The following KCNQ1OT1 variants were observed in gnomAD, a reference collection of about 807,000 sequenced individuals.
KCNQ1OT1 encodes KCNQ1 antisense RNA 2 (non-protein coding).
At position 2,691,685 on chromosome 11, in the gene KCNQ1OT1, G is replaced by T; in HGVS notation, n.8310C>A. 2.5e-6 allele frequency: 1 copy of T among 398,574 alleles called. No individual in the cohort carries two copies. The highest frequency in any genetic ancestry group is 4.4e-6 in the Non-Finnish European group (1 of 226,070). The allele number at this position is 398,574 out of a possible 1,614,324, so 24.7% of individuals were successfully genotyped here. ...TGAAACAGAGAACCAGGTGGGGAAG[G>T]GGTCTCTCCCCATCTGTCCAGGGGA... is the stretch of plus-strand genomic sequence containing the variant. On this transcript the variant is annotated non_coding_transcript_exon_variant, in exon 1 of 1. Transcript: ENST00000597346. This position sits in a 1 kb window ranked among gnomAD's most constrained non-coding sequence, Gnocchi z 6.4.
chr11:2,633,443 G>C (rs10832430), exon 1 of KCNQ1OT1: 2 of 398,160 alleles, frequency 5.0e-6, no homozygotes, highest in East Asian at 7.1e-5. Flanking sequence ...TAAAATCTTC[G>C]CTAGACCCAT....
In KCNQ1OT1 at chr11:2,678,594, GC is replaced by G. The variant is rs1850334517; in HGVS notation, n.21400del. ...ACTTTATGATGCACTTATCTGTGTA[GC>G]AGGACTCCCCCTCATCTCCATTACT... is the stretch of plus-strand genomic sequence containing the variant. On this transcript the variant is annotated non_coding_transcript_exon_variant, in exon 1 of 1. Coordinates refer to ENST00000597346, the Ensembl canonical transcript of KCNQ1OT1. This position sits in a 1 kb window ranked among gnomAD's most constrained non-coding sequence, Gnocchi z 4.9. 5.0e-6 allele frequency: 2 copies of G among 398,494 alleles called. No individual in the cohort carries two copies. The highest frequency in any genetic ancestry group is 4.4e-5 in the Admixed American group (1 of 22,714). 24.7% of individuals were successfully genotyped at this position (398,494 alleles called of 1,614,324 possible).
exon 1 of KCNQ1OT1, chr11:2,609,666 G>A: frequency 2.5e-6 from 1 of 398,330 alleles, no homozygotes; most frequent in East Asian, 3.6e-5. Context: ...TCTCTGTTCA[G>A]TTCTGTCAGT....
chr11:2,699,766 G>A, exon 1 of KCNQ1OT1: 1 of 369,618 alleles, frequency 2.7e-6, no homozygotes, highest in Non-Finnish European at 4.7e-6. Context: ...GCGCCGCGCT[G>A]AGGAGCCCCG....
chr11:2,691,709 G>T lies in KCNQ1OT1; in HGVS notation n.8286C>A, dbSNP rs1214100668. 1 of 398,584 alleles carries T rather than the reference G, an allele frequency of 2.5e-6. No individual in the cohort carries two copies. Among genetic ancestry groups the T allele is most frequent in the Admixed American group, 4.4e-5 (1 of 22,738 alleles). The allele number at this position is 398,584 out of a possible 1,614,324, so 24.7% of individuals were successfully genotyped here. A position where few individuals can be genotyped will look rare whatever the true frequency, so the allele number is the denominator to read the frequency against. ...GGGGTCTCTCCCCATCTGTCCAGGG[G>T]AGAGGCAGCCCACAGGGAGCCACAC... is the stretch of plus-strand genomic sequence containing the variant. On this transcript the variant is annotated non_coding_transcript_exon_variant, in exon 1 of 1. Transcript: ENST00000597346. The surrounding 1 kb of genome is among the most constrained non-coding windows in gnomAD (Gnocchi z 6.4).
At chr11:2,699,369 A>G (rs1008597646) in exon 1 of KCNQ1OT1, 2 of 399,532 alleles carry the variant, frequency 5.0e-6, no homozygotes, top group Non-Finnish European at 8.8e-6. Flanking sequence ...CCGTCCGCCC[A>G]GGTCCGTGCT....
At chr11:2,672,350 G>C (rs1207918712) in exon 1 of KCNQ1OT1, 1 of 398,582 alleles carries the variant, frequency 2.5e-6, no homozygotes, top group Non-Finnish European at 4.4e-6. Context: ...GAAGCAGTGT[G>C]GTGGGGCAGC....
Position 2,677,234 on chromosome 11 carries a change from A to C in KCNQ1OT1, n.22761T>G, listed in dbSNP as rs2133875890. On this transcript the variant is annotated non_coding_transcript_exon_variant, in exon 1 of 1. Transcript: ENST00000597346. The surrounding 1 kb of genome is among the most constrained non-coding windows in gnomAD (Gnocchi z 4.5). ...CTCTTGTCAACCAAAGACAATATAA[A>C]GCACACACAAAGTAAAGAGGAACTT... 2 of 398,632 alleles carry C rather than the reference A, an allele frequency of 5.0e-6. No individual in the cohort carries two copies. The highest frequency in any genetic ancestry group is 7.1e-5 in the East Asian group (2 of 28,076). The allele number at this position is 398,632 out of a possible 1,614,324, so 24.7% of individuals were successfully genotyped here. A position where few individuals can be genotyped will look rare whatever the true frequency, so the allele number is the denominator to read the frequency against.
chr11:2,646,771 C>T (rs1053188360), exon 1 of KCNQ1OT1: 4 of 398,508 alleles, frequency 1.0e-5, no homozygotes, highest in Middle Eastern at 6.2e-4. Context: ...CCGCCTCATC[C>T]TTTCAAAGTG....
At chr11:2,699,407 T>A (rs1850734468) in exon 1 of KCNQ1OT1, 1 of 402,802 alleles carries the variant, frequency 2.5e-6, no homozygotes, top group Non-Finnish European at 4.4e-6. Flanking sequence ...CCCAGAGAGA[T>A]GGGGAGGGCC....
exon 1 of KCNQ1OT1, chr11:2,667,208 C>T (rs934311335): frequency 6.4e-4 from 256 of 398,688 alleles, no homozygotes; most frequent in Non-Finnish European, 1.3e-5. Flanking sequence ...CCCCCGTGGC[C>T]CCCTAACCTT....
In KCNQ1OT1 at chr11:2,623,896, G is replaced by C; in HGVS notation, n.76099C>G. The C allele has an allele frequency of 2.5e-6, 1 of 398,554 alleles. No homozygotes were observed. Among genetic ancestry groups the C allele is most frequent in the East Asian group, 3.6e-5 (1 of 28,070 alleles). The allele number at this position is 398,554 out of a possible 1,614,324, so 24.7% of individuals were successfully genotyped here. On this transcript the variant is annotated non_coding_transcript_exon_variant, in exon 1 of 1. Transcript: ENST00000597346. This position sits in a 1 kb window ranked among gnomAD's most constrained non-coding sequence, Gnocchi z 5.2. ...GGGATATGTATACACATTCAGAAGT[G>C]GAATTGATGGATCCTATGATAATTC...
rs541951162 is a variant in KCNQ1OT1, at chr11:2,690,106, G to A, written n.9889C>T. ...CACAGCAGGGACAATCGCTCTTCCG[G>A]GGTTAGAACTGGGGGAGCAGGGACA... On this transcript the variant is annotated non_coding_transcript_exon_variant, in exon 1 of 1. Transcript: ENST00000597346. This position sits in a 1 kb window ranked among gnomAD's most constrained non-coding sequence, Gnocchi z 5.1. The A allele has an allele frequency of 2.5e-6, 1 of 398,966 alleles. No individual in the cohort carries two copies. Among genetic ancestry groups the A allele is most frequent in the South Asian group, 1.3e-4 (1 of 7,866 alleles). The allele number at this position is 398,966 out of a possible 1,614,324, so 24.7% of individuals were successfully genotyped here.
rs1369544529 is a variant in KCNQ1OT1 at position 2,659,083 on chromosome 11, T to A, written n.40912A>T. On this transcript the variant is annotated non_coding_transcript_exon_variant, in exon 1 of 1. Coordinates refer to ENST00000597346, the Ensembl canonical transcript of KCNQ1OT1. The surrounding 1 kb of genome is among the most constrained non-coding windows in gnomAD (Gnocchi z 4.3). ...CACGCTCATCATAGTCTGCTTTTCA[T>A]CGTAGGGTCCTCCAACATCCGGGTT... The A allele has an allele frequency of 2.5e-6, 1 of 398,520 alleles. No homozygotes were observed. Among genetic ancestry groups the A allele is most frequent in the Non-Finnish European group, 4.4e-6 (1 of 226,052 alleles). The allele number at this position is 398,520 out of a possible 1,614,324, so 24.7% of individuals were successfully genotyped here.
At position 2,690,052 on chromosome 11, in the gene KCNQ1OT1, T is replaced by C; in HGVS notation, n.9943A>G. On this transcript the variant is annotated non_coding_transcript_exon_variant, in exon 1 of 1. Coordinates refer to ENST00000597346, the Ensembl canonical transcript of KCNQ1OT1. The surrounding 1 kb of genome is among the most constrained non-coding windows in gnomAD (Gnocchi z 5.1). ...GGCCAGCCCTGCCTCTCCTCCCCTC[T>C]CCTAGCCTGCTTCTGTCTGGGCTGA... 1 of 398,906 alleles carries C rather than the reference T, an allele frequency of 2.5e-6. No homozygotes were observed. 24.7% of individuals were successfully genotyped at this position (398,906 alleles called of 1,614,324 possible).
Position 2,627,906 on chromosome 11 carries a change from A to G in KCNQ1OT1, n.72089T>C. On this transcript the variant is annotated non_coding_transcript_exon_variant, in exon 1 of 1. Coordinates refer to ENST00000597346, the Ensembl canonical transcript of KCNQ1OT1. This position sits in a 1 kb window ranked among gnomAD's most constrained non-coding sequence, Gnocchi z 4.9. Reference sequence around the variant, plus strand: ...GCTGGGACCACAGTCATGCACCCCCATGCCCAGCTAATTTTTAAAATTTTA... The same window carrying G: ...GCTGGGACCACAGTCATGCACCCCCGTGCCCAGCTAATTTTTAAAATTTTA... 1 of 398,566 alleles carries G rather than the reference A, an allele frequency of 2.5e-6. No individual in the cohort carries two copies. The allele number at this position is 398,566 out of a possible 1,614,324, so 24.7% of individuals were successfully genotyped here.
exon 1 of KCNQ1OT1, chr11:2,615,799 A>C (rs1849051889): frequency 2.5e-6 from 1 of 398,098 alleles, no homozygotes. Flanking sequence ...ACTTTGTTAA[A>C]TAAAAGATTT....
At chr11:2,660,713 G>A in exon 1 of KCNQ1OT1, 1 of 398,562 alleles carries the variant, frequency 2.5e-6, no homozygotes, top group African/African-American at 2.1e-5. Flanking sequence ...CCTTCATTCG[G>A]GCTTCATTCA....
In KCNQ1OT1 at chr11:2,675,154, G is replaced by A. The variant is rs541635433; in HGVS notation, n.24841C>T. ...TTCTCCCATCCTTCACCCTATTAGAGGTAGTGCTCTAGCGGGGAAAGATTA... is the reference window on the plus strand; with the variant it reads ...TTCTCCCATCCTTCACCCTATTAGAAGTAGTGCTCTAGCGGGGAAAGATTA... On this transcript the variant is annotated non_coding_transcript_exon_variant, in exon 1 of 1. Transcript: ENST00000597346. 1.2e-4 allele frequency: 48 copies of A among 398,602 alleles called. No homozygotes were observed. The South Asian group carries it at 4.3e-3, about 36-fold the overall frequency. 24.7% of individuals were successfully genotyped at this position (398,602 alleles called of 1,614,324 possible). A position where few individuals can be genotyped will look rare whatever the true frequency, so the allele number is the denominator to read the frequency against.
Sources: allele counts gnomAD v4.1 joint callset, GRCh38; gene constraint gnomAD v4.1.1; non-coding constraint Gnocchi (gnomAD v3.1); transcripts MANE v1.5; gene names NCBI Gene and HGNC (gene_info 2026-07-23, HGNC 2026-07-21).